Variants in REDIC1 observed in about 807,000 individuals in gnomAD.
The protein encoded by REDIC1 is regulator of DNA class I crossover intermediates 1.
chr12:39,890,012 C>A, the REDIC1 span, among the ~76,000 whole-genome samples: 3 of 152,142 alleles, frequency 2.0e-5, no homozygotes, highest in Non-Finnish European at 4.4e-5. Context: ...TAAGTCTATA[C>A]TTGCCAGAAG....
At chr12:39,656,734 T>C in the REDIC1 span, among the ~76,000 whole-genome samples, 1 of 152,112 alleles carries the variant, frequency 6.6e-6, no homozygotes, top group South Asian at 2.1e-4. Context: ...GACAGTGAGA[T>C]TGATGATCCT....
the REDIC1 span, among the ~76,000 whole-genome samples, chr12:39,808,210 T>G: frequency 6.6e-6 from 1 of 152,164 alleles, no homozygotes; most frequent in Non-Finnish European, 1.5e-5. Flanking sequence ...CAGTATATAT[T>G]GTTTTGTATC....
At chr12:39,721,087 G>A in the REDIC1 span, 6 of 1,613,758 alleles carry the variant, frequency 3.7e-6, no homozygotes, top group South Asian at 6.6e-5. Context: ...GATACAAACA[G>A]AGAGTGAATC....
the REDIC1 span, among the ~76,000 whole-genome samples, chr12:39,784,127 A>G: frequency 1.3e-3 from 191 of 152,360 alleles, no homozygotes; most frequent in Non-Finnish European, 1.4e-3. Context: ...AAGAATCAAT[A>G]TCGTGAAAAT....
the REDIC1 span, among the ~76,000 whole-genome samples, chr12:39,722,896 G>A: frequency 0.054 from 8,270 of 152,190 alleles, 268 homozygotes; most frequent in Middle Eastern, 0.092. Flanking sequence ...ATTTGCCTAG[G>A]AAGCTTGGCC....
the REDIC1 span, among the ~76,000 whole-genome samples, chr12:39,718,668 A>AT: frequency 0.027 from 3,973 of 149,088 alleles, 57 homozygotes; most frequent in Non-Finnish European, 0.033. Context: ...CCTATGTGAC[A>AT]TTTTTTTTTT....
chr12:39,796,769 GA>G, the REDIC1 span, among the ~76,000 whole-genome samples: 1 of 152,136 alleles, frequency 6.6e-6, no homozygotes, highest in African/African-American at 2.4e-5. Context: ...CTAACAATAA[GA>G]ATGTAGCATC....
At chr12:39,714,699 C>T in the REDIC1 span, among the ~76,000 whole-genome samples, 277 of 151,880 alleles carry the variant, frequency 1.8e-3, 1 homozygote, top group African/African-American at 6.4e-3. Flanking sequence ...GAAGTGTTCC[C>T]TGTTCACCAC....
chr12:39,814,581 C>T, the REDIC1 span, among the ~76,000 whole-genome samples: 1 of 152,108 alleles, frequency 6.6e-6, no homozygotes, highest in African/African-American at 2.4e-5. Context: ...AGGAACTCCT[C>T]TTTTATGGTA....
At chr12:39,701,531 G>A in the REDIC1 span, among the ~76,000 whole-genome samples, 1 of 152,044 alleles carries the variant, frequency 6.6e-6, no homozygotes, top group Non-Finnish European at 1.5e-5. Flanking sequence ...ACAGATCAAT[G>A]AGACAGAAGG....
chr12:39,679,106 A>G, the REDIC1 span, among the ~76,000 whole-genome samples: 1 of 152,186 alleles, frequency 6.6e-6, no homozygotes, highest in African/African-American at 2.4e-5. Context: ...CAGAACAGTC[A>G]GACAAGAGTT....
chr12:39,638,054 T>A, the REDIC1 span, among the ~76,000 whole-genome samples: 1 of 151,970 alleles, frequency 6.6e-6, no homozygotes, highest in African/African-American at 2.4e-5. Context: ...GTTTTGGTGT[T>A]AGGTACAGGC....
At chr12:39,818,559 A>T in the REDIC1 span, among the ~76,000 whole-genome samples, 1 of 152,326 alleles carries the variant, frequency 6.6e-6, no homozygotes, top group African/African-American at 2.4e-5. Flanking sequence ...TTACATAAGT[A>T]GCTTATGTGA....
chr12:39,711,418 T>A, the REDIC1 span, among the ~76,000 whole-genome samples: 2 of 134,690 alleles, frequency 1.5e-5, no homozygotes, highest in Non-Finnish European at 3.3e-5. Flanking sequence ...TGTATATATG[T>A]ACTTATGTGT....
At chr12:39,670,223 C>A in the REDIC1 span, among the ~76,000 whole-genome samples, 5 of 152,110 alleles carry the variant, frequency 3.3e-5, no homozygotes, top group African/African-American at 1.2e-4. Flanking sequence ...TAGAGTCTTG[C>A]TCCATCACCC....
At chr12:39,892,630 A>C in the REDIC1 span, among the ~76,000 whole-genome samples, 4 of 152,306 alleles carry the variant, frequency 2.6e-5, no homozygotes, top group Non-Finnish European at 5.9e-5. Flanking sequence ...ATTCTTATGA[A>C]TCTGCCACAC....
the REDIC1 span, among the ~76,000 whole-genome samples, chr12:39,714,915 GT>G: frequency 1.3e-5 from 2 of 151,740 alleles, no homozygotes; most frequent in East Asian, 1.9e-4. Context: ...GAGATTGTTT[GT>G]TTTTTTCTTA....
At chr12:39,879,667 T>G in the REDIC1 span, among the ~76,000 whole-genome samples, 1 of 152,226 alleles carries the variant, frequency 6.6e-6, no homozygotes, top group Non-Finnish European at 1.5e-5. Flanking sequence ...ACCCCCAGTG[T>G]ATCTTGGAAG....
chr12:39,796,088 G>T, the REDIC1 span, among the ~76,000 whole-genome samples: 143 of 152,220 alleles, frequency 9.4e-4, no homozygotes, highest in African/African-American at 3.3e-3. Flanking sequence ...TCTGTGTATG[G>T]ATTTGCTTAT....
Sources: gnomAD v4.1 joint callset for allele counts (sites outside exome capture counted in the v4.1 genomes callset) on GRCh38, gnomAD v4.1.1 for gene constraint, MANE v1.5 for transcripts, NCBI Gene and HGNC (gene_info 2026-07-23, HGNC 2026-07-21) for gene names.